Variants in NYX observed in about 807,000 individuals in gnomAD.
NYX encodes the protein leucine-rich repeat protein.
For missense variants in NYX, 481 were observed against 485.4 expected (o/e 0.99, Z 0.09); for synonymous variants, 258 against 245.7 (o/e 1.05, Z -0.47).
chrX:41,460,995 A>G (rs2064317442), intron 2 of NYX, among the ~76,000 whole-genome samples: 1 of 97,316 alleles, frequency 1.0e-5, no homozygotes, highest in Non-Finnish European at 2.0e-5. Flanking sequence ...TTTTTTGGCA[A>G]TTTTAACATT....
chrX:41,457,057 C>T (rs1462632238), intron 2 of NYX, among the ~76,000 whole-genome samples: 1 of 111,461 alleles, frequency 9.0e-6, no homozygotes, highest in African/African-American at 3.3e-5. Flanking sequence ...CCTGTAATCC[C>T]AGCACTTTGG....
chrX:41,474,101 C>A lies in NYX; in HGVS notation c.633C>A (p.Asn211Lys). ...RRLRSLSLQA[N>K]RVRAVHAGAF... is the part of the protein sequence containing the mutation. ...TGCGCTCGCTCAGCCTGCAGGCCAA[C>A]CGCGTCCGTGCCGTGCACGCTGGCG... Residue 211 changes from asparagine (N) to lysine (K), a missense_variant, in exon 3 of 3, where the codon AAC (asparagine) becomes AAA (lysine). Coordinates refer to ENST00000378220, the MANE Select transcript of NYX (RefSeq NM_001378477.3). 1.8e-6 allele frequency: 2 copies of A among 1,104,070 alleles called. No homozygotes were observed. The highest frequency in any genetic ancestry group is 1.2e-6 in the Non-Finnish European group (1 of 848,417). 91.0% of individuals were successfully genotyped at this position (1,104,070 alleles called of 1,213,427 possible).
intron 2 of NYX, among the ~76,000 whole-genome samples, chrX:41,466,239 C>T (rs1046264099): frequency 1.8e-5 from 2 of 110,499 alleles, no homozygotes; most frequent in South Asian, 3.8e-4. Flanking sequence ...AGACCAGCCT[C>T]GGCAACATAG....
At chrX:41,471,814 G>GGT (rs1174999230) in intron 2 of NYX, among the ~76,000 whole-genome samples, 43 of 81,610 alleles carry the variant, frequency 5.3e-4, no homozygotes, top group Non-Finnish European at 9.5e-4. Context: ...TAAGGGCACT[G>GGT]GTGTATATAT....
Position 41,447,842 on chromosome X carries a change from C to T in NYX, c.-56-7C>T, listed in dbSNP as rs376864781. ...GGCACTGGGTGACCTGTCCTTTCTC[C>T]CCTCAGGTAGGGGTCCCACGGCTGG... On this transcript the variant is annotated splice_region_variant and splice_polypyrimidine_tract_variant and intron_variant, in intron 1 of 2. Coordinates refer to ENST00000378220, the MANE Select transcript of NYX (RefSeq NM_001378477.3). 31 of 1,195,200 alleles carry T rather than the reference C, an allele frequency of 2.6e-5. No homozygotes were observed. The South Asian group carries it at 2.7e-4, about 10-fold the overall frequency.
chrX:41,473,984 G>T lies in NYX; in HGVS notation c.516G>T (p.Ala172=). Residue 172 remains alanine (A), a synonymous_variant, in exon 3 of 3, where the codon GCG becomes GCT. Coordinates refer to ENST00000378220, the MANE Select transcript of NYX (RefSeq NM_001378477.3). ...FDNLFRRVPG[A]LRGLANLTHA... ...ACCTGTTCCGCCGCGTGCCGGGCGC[G>T]CTGCGCGGCCTGGCCAACCTGACGC... The T allele has an allele frequency of 9.3e-7, 1 of 1,073,797 alleles. No homozygotes were observed. Among genetic ancestry groups the T allele is most frequent in the African/African-American group, 2.0e-5 (1 of 51,082 alleles). 88.5% of individuals were successfully genotyped at this position (1,073,797 alleles called of 1,213,427 possible).
chrX:41,474,599 C>T lies in NYX; in HGVS notation c.1131C>T (p.Ser377=). Reference sequence around the variant, plus strand: ...GCCAGGTGACCTTCGGGCGCTCCTCCGATGGCCTCTGTGTGGACCCCGAGG... The same window carrying T: ...GCCAGGTGACCTTCGGGCGCTCCTCTGATGGCCTCTGTGTGGACCCCGAGG... ...DLSQVTFGRS[S]DGLCVDPEEL... The change falls in exon 3 of 3, where the codon TCC becomes TCT. Residue 377 remains serine, a synonymous_variant. Coordinates refer to ENST00000378220, the MANE Select transcript of NYX (RefSeq NM_001378477.3). 2 of 1,198,831 alleles carry T rather than the reference C, an allele frequency of 1.7e-6. No individual in the cohort carries two copies. Among genetic ancestry groups the T allele is most frequent in the Non-Finnish European group, 2.2e-6 (2 of 889,612 alleles).
At chrX:41,465,803 G>A (rs1427080754) in intron 2 of NYX, among the ~76,000 whole-genome samples, 1 of 107,815 alleles carries the variant, frequency 9.3e-6, no homozygotes, top group Non-Finnish European at 1.9e-5. Context: ...GATTACAGGC[G>A]TGAACCACCA....
intron 2 of NYX, among the ~76,000 whole-genome samples, chrX:41,461,253 G>A (rs918256654): frequency 7.3e-4 from 79 of 108,291 alleles, no homozygotes; most frequent in Non-Finnish European, 1.3e-3. Flanking sequence ...TCCCACTTAT[G>A]AGTGAGAATG....
chrX:41,461,382 CATATATATAT>C (rs60185443), intron 2 of NYX, among the ~76,000 whole-genome samples: 1 of 101,491 alleles, frequency 9.9e-6, no homozygotes, highest in African/African-American at 3.7e-5. Flanking sequence ...AATATTCCGT[CATATATATAT>C]ATATATATAT....
At chrX:41,451,236 C>T (rs184937134) in intron 2 of NYX, among the ~76,000 whole-genome samples, 22 of 111,861 alleles carry the variant, frequency 2.0e-4, no homozygotes, top group Non-Finnish European at 3.6e-4. Flanking sequence ...AATGGTGCAA[C>T]CATTTTGAAG....
intron 2 of NYX, among the ~76,000 whole-genome samples, chrX:41,464,670 C>CGTGTGTGTGTGTGTGTGT (rs768617215): frequency 0.04 from 4,036 of 101,758 alleles, 98 homozygotes; most frequent in Non-Finnish European, 0.057. Context: ...ATGGGCCGTG[C>CGTGTGTGTGTGTGTGTGT]GTGTGTGTGT....
Position 41,474,902 on chromosome X carries a change from T to G in NYX, c.*3T>G, listed in dbSNP as rs2064384818. The stretch of plus-strand genomic sequence containing the variant: ...TGTTTGGCCTGCAGATGGACTGACC[T>G]GGCCAGAGGGGGGAAAGTTTGCTTA... On this transcript the variant is annotated 3_prime_UTR_variant, in exon 3 of 3. Coordinates refer to ENST00000378220, the MANE Select transcript of NYX (RefSeq NM_001378477.3). 1 of 1,193,241 alleles carries G rather than the reference T, an allele frequency of 8.4e-7. No homozygotes were observed. Among genetic ancestry groups the G allele is most frequent in the Admixed American group, 2.3e-5 (1 of 44,232 alleles).
chrX:41,462,983 T>A (rs1249675493), intron 2 of NYX, among the ~76,000 whole-genome samples: 2 of 108,844 alleles, frequency 1.8e-5, no homozygotes, highest in Non-Finnish European at 3.8e-5. Context: ...TTATTATTTT[T>A]AATTTTATGG....
In NYX at chrX:41,447,654, C is replaced by G. The variant is rs1353445927; in HGVS notation, c.-57+138C>G. Reference sequence around the variant, plus strand: ...CCTGACAAAGGGTTTCCTAATAGATCCAAACTGTCCATTTGTGGGGAGCTT... The same window carrying G: ...CCTGACAAAGGGTTTCCTAATAGATGCAAACTGTCCATTTGTGGGGAGCTT... On this transcript the variant is annotated intron_variant, in intron 1 of 2. Transcript: ENST00000378220. The G allele has an allele frequency of 4.8e-5, 21 of 436,116 alleles. No homozygotes were observed. The East Asian group carries it at 8.0e-4, about 17-fold the overall frequency. 35.9% of individuals were successfully genotyped at this position (436,116 alleles called of 1,213,427 possible). A position where few individuals can be genotyped will look rare whatever the true frequency, so the allele number is the denominator to read the frequency against.
chrX:41,473,411 T>G, intron 2 of NYX, 80 bp from the exon 3 acceptor site: 1 of 886,513 alleles, frequency 1.1e-6, no homozygotes, highest in Non-Finnish European at 1.4e-6. Flanking sequence ...GGATTTTTCC[T>G]GGGGTGACCT....
intron 2 of NYX, among the ~76,000 whole-genome samples, chrX:41,462,143 G>A (rs757814526): frequency 8.9e-6 from 1 of 111,903 alleles, no homozygotes; most frequent in South Asian, 3.7e-4. Context: ...ATCTTCTTTT[G>A]TGAATTATCC....
chrX:41,466,589 C>T (rs1472564530), intron 2 of NYX, among the ~76,000 whole-genome samples: 2 of 100,520 alleles, frequency 2.0e-5, no homozygotes, highest in Non-Finnish European at 4.0e-5. Flanking sequence ...GACAGAGTTT[C>T]GCTCTTGTAG....
At chrX:41,464,850 T>C (rs1396267246) in intron 2 of NYX, among the ~76,000 whole-genome samples, 2 of 111,079 alleles carry the variant, frequency 1.8e-5, no homozygotes, top group Admixed American at 1.9e-4. Flanking sequence ...CACAGGTCAT[T>C]GAGGCTCTGA....
Sources: gnomAD v4.1 joint callset for allele counts (sites outside exome capture counted in the v4.1 genomes callset) on GRCh38, gnomAD v4.1.1 for gene constraint, MANE v1.5 for transcripts, NCBI Gene and HGNC (gene_info 2026-07-23, HGNC 2026-07-21) for gene names.